Variants in NFIB observed in about 807,000 individuals in gnomAD.
The protein encoded by NFIB is nuclear factor 1 B-type.
A neutral mutation model predicts 61.5 loss-of-function variants in NFIB; 11 were observed. That is an observed-to-expected ratio of 0.18 (90% CI 0.11 to 0.30). The LOEUF (loss-of-function observed/expected upper bound fraction) is 0.30. Among genes scored for constraint, NFIB ranks in the 10% least tolerant of loss-of-function variants. The probability of loss-of-function intolerance (pLI) is 1.00; values close to 1 mark genes in which losing one functional copy is unlikely to be tolerated. For synonymous variants in NFIB, 260 were observed against 216.5 expected, an observed-to-expected ratio of 1.20 and a Z score of -1.76; for missense variants, 471 against 608.9, an observed-to-expected ratio of 0.77 and a Z score of 2.38.
chr9:14,244,075 A>G (rs1274926117), intron 2 of NFIB, among the ~76,000 whole-genome samples: 3 of 152,224 alleles, frequency 2.0e-5, no homozygotes, highest in Non-Finnish European at 4.4e-5. Context: ...CCTGAATTAT[A>G]TATGAAAACA....
chr9:14,381,276 C>T (rs1255525900), intron 1 of NFIB, among the ~76,000 whole-genome samples: 4 of 151,796 alleles, frequency 2.6e-5, no homozygotes, highest in Non-Finnish European at 5.9e-5. Flanking sequence ...ATTGCAACCT[C>T]CACCTCCTGG....
At chr9:14,216,540 C>G (rs1486858552) in intron 2 of NFIB, among the ~76,000 whole-genome samples, 128 of 29,342 alleles carry the variant, frequency 4.4e-3, no homozygotes, top group East Asian at 0.032. Context: ...CTCTCTCTCT[C>G]TCCCTCTGTG....
the NFIB span, among the ~76,000 whole-genome samples, chr9:14,519,476 G>C: frequency 3.9e-5 from 6 of 152,194 alleles, no homozygotes; most frequent in African/African-American, 1.4e-4. Flanking sequence ...TGACTTAACT[G>C]CTAAGAATCA....
At chr9:14,406,412 G>C in the NFIB span, among the ~76,000 whole-genome samples, 1 of 152,166 alleles carries the variant, frequency 6.6e-6, no homozygotes, top group African/African-American at 2.4e-5. Context: ...CAGATAGCTG[G>C]GCCATGGTGA....
the NFIB span, among the ~76,000 whole-genome samples, chr9:14,452,421 A>G: frequency 2.1e-5 from 2 of 95,080 alleles, no homozygotes; most frequent in South Asian, 4.0e-4. Flanking sequence ...GGAAGGAAGG[A>G]AGGGAGGGAG....
the NFIB span, among the ~76,000 whole-genome samples, chr9:14,445,070 T>C: frequency 2.0e-5 from 3 of 152,298 alleles, no homozygotes; most frequent in East Asian, 3.9e-4. Context: ...TTGATGTGTA[T>C]AGTTGTAGTA....
At chr9:14,231,372 A>T (rs2053176993) in intron 2 of NFIB, among the ~76,000 whole-genome samples, 1 of 151,794 alleles carries the variant, frequency 6.6e-6, no homozygotes, top group Non-Finnish European at 1.5e-5. Flanking sequence ...GGCTGACTGT[A>T]AAAGAATGGA....
the NFIB span, among the ~76,000 whole-genome samples, chr9:14,487,942 A>C: frequency 6.6e-6 from 1 of 152,138 alleles, no homozygotes; most frequent in Non-Finnish European, 1.5e-5. Context: ...TTAGGTCAGA[A>C]GCCTCTGGTT....
At chr9:14,338,991 C>G (rs1047856685) in intron 1 of NFIB, among the ~76,000 whole-genome samples, 1 of 152,032 alleles carries the variant, frequency 6.6e-6, no homozygotes, top group Non-Finnish European at 1.5e-5. Flanking sequence ...CAGGAAAAAT[C>G]AAAGATGGAA....
chr9:14,160,752 T>C (rs1452638756), intron 3 of NFIB, among the ~76,000 whole-genome samples: 1 of 147,730 alleles, frequency 6.8e-6, no homozygotes, highest in Non-Finnish European at 1.5e-5. Context: ...GAGGAAACTT[T>C]CATCTTACAG....
At chr9:14,249,240 T>C (rs1224826380) in intron 2 of NFIB, among the ~76,000 whole-genome samples, 1 of 152,194 alleles carries the variant, frequency 6.6e-6, no homozygotes, top group Non-Finnish European at 1.5e-5. Flanking sequence ...TATTATTATC[T>C]CTGCTTTACT....
chr9:14,504,836 CTGAT>C, the NFIB span, among the ~76,000 whole-genome samples: 1 of 152,082 alleles, frequency 6.6e-6, no homozygotes, highest in Admixed American at 6.6e-5. Flanking sequence ...TTTCCTTTGT[CTGAT>C]TGCTTTGGCT....
chr9:14,336,915 A>G (rs927423418), intron 1 of NFIB, among the ~76,000 whole-genome samples: 3 of 152,226 alleles, frequency 2.0e-5, no homozygotes, highest in African/African-American at 7.2e-5. Flanking sequence ...AATGTTATAC[A>G]CAAAGGGGCC....
At chr9:14,148,804 A>G (rs2042564084) in intron 5 of NFIB, among the ~76,000 whole-genome samples, 1 of 152,226 alleles carries the variant, frequency 6.6e-6, no homozygotes, top group Non-Finnish European at 1.5e-5. Context: ...GATGTAGAAG[A>G]TGGCAATTTC....
chr9:14,477,380 A>G, the NFIB span, among the ~76,000 whole-genome samples: 1 of 152,246 alleles, frequency 6.6e-6, no homozygotes, highest in Non-Finnish European at 1.5e-5. Context: ...TATATAAGTG[A>G]ATGTATATCT....
chr9:14,153,994 G>A (rs1390843615), intron 4 of NFIB, among the ~76,000 whole-genome samples: 1 of 152,078 alleles, frequency 6.6e-6, no homozygotes, highest in Non-Finnish European at 1.5e-5. Context: ...AATCAGTAAT[G>A]TTTGTTATAA....
At position 14,321,647 on chromosome 9, in the gene NFIB, A is replaced by C. The variant is rs182608132; in HGVS notation, c.109-14127T>G. ...AAGCAGAGAGTTAAAGCAGAACAAA[A>C]TGCTAGATTCTGCACCGTTTGGACC... On this transcript the variant is annotated intron_variant, in intron 1 of 8. Transcript: ENST00000380934. Among the ~76,000 whole-genome samples, 511 of 152,280 alleles carry C rather than the reference A, an allele frequency of 3.4e-3. 2 individuals are homozygous for C. The highest frequency in any genetic ancestry group is 6.0e-3 in the Non-Finnish European group (407 of 68,026).
chr9:14,453,839 T>G, the NFIB span, among the ~76,000 whole-genome samples: 100 of 151,962 alleles, frequency 6.6e-4, 1 homozygote, highest in African/African-American at 2.3e-3. Flanking sequence ...TCCCAGCACT[T>G]TGGGAGTCTG....
In NFIB at chr9:14,189,721, A is replaced by C. The variant is rs200583293; in HGVS notation, c.563-9941T>G. 5.3e-5 allele frequency among the ~76,000 whole-genome samples: 8 copies of C among 150,764 alleles called. No homozygotes were observed. In the East Asian group the frequency reaches 1.6e-3, roughly 29 times the overall value. ...GCTACATTTTAAAACCCATGGGGTC[A>C]AGAAACATGTTAGTCTTATTCACTG... On this transcript the variant is annotated intron_variant, in intron 2 of 10. Coordinates refer to ENST00000380953, the MANE Select transcript of NFIB (RefSeq NM_001190737.2).
Sources: gnomAD v4.1 joint callset for allele counts (sites outside exome capture counted in the v4.1 genomes callset) on GRCh38, gnomAD v4.1.1 for gene constraint, MANE v1.5 for transcripts, NCBI Gene and HGNC (gene_info 2026-07-23, HGNC 2026-07-21) for gene names.